Variants in ALG13 observed in about 807,000 individuals in gnomAD.
ALG13 encodes UDP-N-acetylglucosamine transferase subunit ALG13.
In ALG13, 11 loss-of-function variants were observed where a neutral mutation model predicts 87.8. The observed-to-expected ratio is 0.13, with a 90% CI of 0.08 to 0.21. The LOEUF is 0.21. Ranked by LOEUF, ALG13 falls within the 10% of genes least tolerant of loss-of-function variation. ALG13 has a pLI of 1.00. For missense variants in ALG13, 756 were observed against 866.1 expected (o/e 0.87, Z 1.60); for synonymous variants, 320 against 306.3 (o/e 1.04, Z -0.47).
At chrX:111,758,166 A>G (rs984572703) in intron 26 of ALG13, among the ~76,000 whole-genome samples, 1 of 112,108 alleles carries the variant, frequency 8.9e-6, no homozygotes, top group Admixed American at 9.5e-5. Context: ...CTAAATTTTT[A>G]TCCTTGAATA....
chrX:111,724,805 A>G, intron 14 of ALG13, 129 bp from the exon 15 acceptor site: 2 of 691,263 alleles, frequency 2.9e-6, no homozygotes, highest in South Asian at 3.2e-5. Flanking sequence ...ATAAAAAATT[A>G]AACAAGGAAA....
rs181251888 is a variant in ALG13, at chrX:111,722,695, G to A, written c.1436-98G>A. On this transcript the variant is annotated intron_variant, in intron 12 of 26. Transcript: ENST00000394780. ...CCCTATTTTCACTTATAGTGGTAGC[G>A]TTGTCAAAGGCACTACGGTAAAAGT... The A allele has an allele frequency of 4.7e-4, 264 of 565,027 alleles. No individual in the cohort carries two copies. The African/African-American group carries it at 5.3e-3, about 11-fold the overall frequency. The allele number at this position is 565,027 out of a possible 1,213,427, so 46.6% of individuals were successfully genotyped here.
chrX:111,695,233 A>C (rs1209440867), intron 3 of ALG13, among the ~76,000 whole-genome samples: 2 of 111,694 alleles, frequency 1.8e-5, no homozygotes, highest in East Asian at 5.6e-4. Flanking sequence ...AAGTCAAAAA[A>C]CAACCTTCTG....
intron 3 of ALG13, chrX:111,690,241 A>G: frequency 1.3e-6 from 1 of 753,608 alleles, no homozygotes; most frequent in Middle Eastern, 7.6e-4. Flanking sequence ...TCTTGATATT[A>G]ATGAGTAAGT....
chrX:111,731,104 G>A (rs1235753380), intron 21 of ALG13, among the ~76,000 whole-genome samples: 1 of 111,949 alleles, frequency 8.9e-6, no homozygotes, highest in Admixed American at 9.5e-5. Context: ...TGTTAACAGC[G>A]CTAAGAACTA....
intron 22 of ALG13, among the ~76,000 whole-genome samples, chrX:111,735,919 T>G (rs781665007): frequency 9.1e-6 from 1 of 110,476 alleles, no homozygotes; most frequent in East Asian, 2.8e-4. Flanking sequence ...AAATAGTTTA[T>G]TCTCTTAAGG....
intron 3 of ALG13, among the ~76,000 whole-genome samples, chrX:111,704,631 G>T (rs1376136909): frequency 9.0e-6 from 1 of 111,587 alleles, no homozygotes; most frequent in Non-Finnish European, 1.9e-5. Context: ...TCAGAATATG[G>T]AAATCTATAG....
Position 111,713,258 on chromosome X carries a change from A to T in ALG13, c.966A>T (p.Lys322Asn). 1.7e-6 allele frequency: 2 copies of T among 1,198,213 alleles called. No individual in the cohort carries two copies. The highest frequency in any genetic ancestry group is 2.3e-6 in the Non-Finnish European group (2 of 885,978). Residue 322 changes from lysine to asparagine, a missense_variant, in exon 8 of 27, where the codon AAA becomes AAT. Physicochemically the swap from Lys to Asn is moderately conservative, Grantham distance 94. Transcript: ENST00000394780. ...RDFILYRFPG[K>N]PPTYVTDNGY... ...TCATTCTTTATCGCTTTCCTGGAAAACCTCCAACTTATGTCACAGATAATG... is the reference window on the plus strand; with the variant it reads ...TCATTCTTTATCGCTTTCCTGGAAATCCTCCAACTTATGTCACAGATAATG...
At chrX:111,759,695 T>A (rs1379802755) in intron 26 of ALG13, 39 bp from the exon 27 acceptor site, 4 of 1,132,124 alleles carry the variant, frequency 3.5e-6, no homozygotes, top group Non-Finnish European at 4.7e-6. Flanking sequence ...TTGGTGAATT[T>A]TTGTATATAA....
At chrX:111,682,553 C>G (rs1214827923) in intron 2 of ALG13, among the ~76,000 whole-genome samples, 2 of 112,006 alleles carry the variant, frequency 1.8e-5, no homozygotes, top group Non-Finnish European at 3.8e-5. Context: ...TTTTTGAATA[C>G]ACAACTTATT....
intron 3 of ALG13, among the ~76,000 whole-genome samples, chrX:111,700,274 G>A (rs778808364): frequency 2.4e-4 from 26 of 109,644 alleles, no homozygotes; most frequent in Non-Finnish European, 5.7e-5. Flanking sequence ...ACCATTTTTT[G>A]GTGTAGTTTT....
At chrX:111,715,750 G>A (rs1397566827) in intron 8 of ALG13, among the ~76,000 whole-genome samples, 1 of 112,085 alleles carries the variant, frequency 8.9e-6, no homozygotes, top group Non-Finnish European at 1.9e-5. Flanking sequence ...TTGTATTATA[G>A]GCAGTGAACA....
chrX:111,750,591 C>T (rs1191725850), intron 24 of ALG13, among the ~76,000 whole-genome samples: 1 of 110,665 alleles, frequency 9.0e-6, no homozygotes, highest in Non-Finnish European at 1.9e-5. Context: ...CCCTTTTCTC[C>T]CTTCATTTCT....
intron 6 of ALG13, 39 bp downstream of exon 6, chrX:111,711,764 T>G: frequency 8.9e-7 from 1 of 1,127,015 alleles, no homozygotes; most frequent in Non-Finnish European, 1.2e-6. Context: ...TTCAGAGTTA[T>G]TTGGAATAGT....
At position 111,727,066 on chromosome X, in the gene ALG13, G is replaced by T. The variant is rs778755280; in HGVS notation, c.1976+11G>T. On this transcript the variant is annotated intron_variant, in intron 16 of 26. Coordinates refer to ENST00000394780, the MANE Select transcript of ALG13 (RefSeq NM_001099922.3). ...ATATGGGATGCCCAGGTAAGACATT[G>T]ACAGATTTGTATTTTCATGGTCTAG... The T allele has an allele frequency of 1.2e-5, 15 of 1,208,273 alleles. No homozygotes were observed. The highest frequency in any genetic ancestry group is 2.2e-5 in the Admixed American group (1 of 45,707).
intron 25 of ALG13, among the ~76,000 whole-genome samples, chrX:111,754,841 C>T (rs777414792): frequency 4.5e-5 from 5 of 112,076 alleles, no homozygotes; most frequent in African/African-American, 1.6e-4. Context: ...AATGGCCATA[C>T]TGCCCAAAGT....
chrX:111,754,090 TCATCC>T (rs980471750), intron 25 of ALG13, among the ~76,000 whole-genome samples: 57 of 111,968 alleles, frequency 5.1e-4, no homozygotes, highest in African/African-American at 1.8e-3. Flanking sequence ...CAAGTTGGCT[TCATCC>T]CTGGGATGCA....
rs1458142009 is a variant in ALG13 at position 111,727,940 on chromosome X, G to T, written c.2247+170G>T. 2.7e-5 allele frequency among the ~76,000 whole-genome samples: 3 copies of T among 112,484 alleles called. No homozygotes were observed. In the East Asian group the frequency reaches 8.4e-4, roughly 31 times the overall value. ...TTTTCTCCCAGCTGTTCCTAGAGAA[G>T]GGAATAGAGGTAGACTTGATAATCT... is the stretch of plus-strand genomic sequence containing the variant. On this transcript the variant is annotated intron_variant, in intron 18 of 26. Transcript: ENST00000394780.
At chrX:111,736,977 T>G in intron 23 of ALG13, 98 bp downstream of exon 23, 1 of 723,902 alleles carries the variant, frequency 1.4e-6, no homozygotes, top group Admixed American at 3.8e-5. Context: ...TACTTTAATT[T>G]CCAGAATTAA....
Sources: allele counts gnomAD v4.1 joint callset (sites outside exome capture counted in the v4.1 genomes callset), GRCh38; gene constraint gnomAD v4.1.1; transcripts MANE v1.5; gene names NCBI Gene and HGNC (gene_info 2026-07-23, HGNC 2026-07-21).